The following TMCO1 variants were observed in gnomAD, a reference collection of about 807,000 sequenced individuals.
TMCO1 encodes calcium load-activated calcium channel.
A neutral mutation model predicts 29.3 loss-of-function variants in TMCO1; 29 were observed. That is an observed-to-expected ratio of 0.99 (90% CI 0.74 to 1.35). The LOEUF is 1.35. Among genes scored for constraint, TMCO1 ranks in the 40% most tolerant of loss-of-function variants. The pLI is 0.00. For synonymous variants in TMCO1, 80 were observed against 77.1 expected (o/e 1.04, Z -0.20); for missense variants, 173 against 225.5 (o/e 0.77, Z 1.49).
At chr1:165,726,494 C>T (rs559021972), downstream of TMCO1, 11 of 511,060 alleles carry the variant, frequency 2.2e-5, no homozygotes, top group South Asian at 1.7e-4. Context: ...AGGCTTTACA[C>T]TGGTTGAATT....
At position 165,754,270 on chromosome 1, in the gene TMCO1, T is replaced by G; in HGVS notation, c.213A>C (p.Arg71Ser). 1.2e-6 allele frequency: 2 copies of G among 1,610,514 alleles called. No homozygotes were observed. Among genetic ancestry groups the G allele is most frequent in the Non-Finnish European group, 1.7e-6 (2 of 1,177,176 alleles). Residue 71 changes from arginine to serine, a missense_variant, in exon 4 of 7, where the codon AGA becomes AGC. Coordinates refer to ENST00000367881, the MANE Select transcript of TMCO1 (RefSeq NM_019026.6). The part of the protein sequence containing the change: ...AGRQQKKKIE[R>S]QEEKLKNNNR... The stretch of plus-strand genomic sequence containing the variant: ...TGTTATTCTTCAGTTTCTCTTCTTG[T>G]CTCTCTGCAAAGAATTAATGAGATG...
chr1:165,752,324 G>A (rs894452054), intron 4 of TMCO1, among the ~76,000 whole-genome samples, 155 bp from the exon 5 acceptor site: 8 of 146,350 alleles, frequency 5.5e-5, no homozygotes, highest in Non-Finnish European at 1.0e-4. Flanking sequence ...GCGCAATCTC[G>A]GCTCACTGCA....
In TMCO1 at chr1:165,752,170, C is replaced by G; in HGVS notation, c.256-1G>C. 1.2e-6 allele frequency: 2 copies of G among 1,612,016 alleles called. No homozygotes were observed. The highest frequency in any genetic ancestry group is 1.7e-6 in the Non-Finnish European group (2 of 1,178,714). Reference sequence around the variant, plus strand: ...TAGCAAACATGGATTTCATTCGAACCTGTAATGAGACGAACAAATTGTCAT... The same window carrying G: ...TAGCAAACATGGATTTCATTCGAACGTGTAATGAGACGAACAAATTGTCAT... On this transcript the variant is annotated splice_acceptor_variant, in intron 4 of 6. Coordinates refer to ENST00000367881, the MANE Select transcript of TMCO1 (RefSeq NM_019026.6). LOFTEE classifies it high-confidence loss of function.
At chr1:165,725,677 T>C (rs1650845603), downstream of TMCO1, 2 of 454,108 alleles carry the variant, frequency 4.4e-6, no homozygotes, top group African/African-American at 2.0e-5. Flanking sequence ...GCTGTGGACC[T>C]AGAGTGTCAT....
At position 165,733,550 on chromosome 1, in the gene TMCO1, C is replaced by T. The variant is rs185949570; in HGVS notation, c.469-5429G>A. Among the ~76,000 whole-genome samples the T allele has an allele frequency of 9.7e-3, 1,478 of 151,712 alleles. 9 individuals are homozygous for T. Among genetic ancestry groups the T allele is most frequent in the African/African-American group, 0.012 (492 of 41,340 alleles). Reference sequence around the variant, plus strand: ...CCGGGAGGCAGAGGTTGTAGGAGATCGTGCAGCTGCACTCCAACCTGGGTG... The same window carrying T: ...CCGGGAGGCAGAGGTTGTAGGAGATTGTGCAGCTGCACTCCAACCTGGGTG... On this transcript the variant is annotated intron_variant, in intron 6 of 6. Coordinates refer to ENST00000367881, the MANE Select transcript of TMCO1 (RefSeq NM_019026.6).
chr1:165,750,110 T>C (rs1426387412), intron 5 of TMCO1, among the ~76,000 whole-genome samples: 2 of 32,166 alleles, frequency 6.2e-5, no homozygotes, highest in Admixed American at 3.0e-4. Flanking sequence ...TATAAATTAA[T>C]AAAATCTAAG....
chr1:165,733,373 C>T (rs1011292187), intron 6 of TMCO1, among the ~76,000 whole-genome samples: 3 of 152,080 alleles, frequency 2.0e-5, no homozygotes, highest in Admixed American at 6.6e-5. Context: ...GTGGCTCACA[C>T]CTGTAATCCC....
At chr1:165,728,525 G>A (rs937283125) in intron 6 of TMCO1, among the ~76,000 whole-genome samples, 3 of 151,892 alleles carry the variant, frequency 2.0e-5, no homozygotes, top group Non-Finnish European at 4.4e-5. Flanking sequence ...CAAAGTGCTG[G>A]GATTACAGGA....
At chr1:165,760,460 T>C (rs1204150756) in intron 2 of TMCO1, among the ~76,000 whole-genome samples, 1 of 151,466 alleles carries the variant, frequency 6.6e-6, no homozygotes, top group African/African-American at 2.4e-5. Flanking sequence ...TACCAATTTT[T>C]CTGATGCATT....
intron 6 of TMCO1, among the ~76,000 whole-genome samples, chr1:165,739,909 G>A (rs1018001872): frequency 6.6e-6 from 1 of 151,828 alleles, no homozygotes; most frequent in Non-Finnish European, 1.5e-5. Flanking sequence ...TCAGGAATTC[G>A]AGACCAGCCT....
chr1:165,752,203 T>C (rs1187231697), intron 4 of TMCO1, 34 bp from the exon 5 acceptor site: 2 of 1,418,858 alleles, frequency 1.4e-6, no homozygotes, highest in Non-Finnish European at 2.0e-6. Flanking sequence ...CATTTTACAC[T>C]AAAAAAAAAC....
At position 165,728,064 on chromosome 1, in the gene TMCO1, C is replaced by T. The variant is rs771396376; in HGVS notation, c.526G>A (p.Gly176Arg). The T allele has an allele frequency of 1.9e-6, 3 of 1,609,002 alleles. No individual in the cohort carries two copies. Among genetic ancestry groups the T allele is most frequent in the African/African-American group, 1.3e-5 (1 of 74,754 alleles). ...PSRAATKQAG[G>R]FLGPPPPSGK... is the part of the protein sequence containing the mutation. Reference sequence around the variant, plus strand: ...GAAGGAGGTGGTGGGCCAAGAAATCCACCTGCCTGCTTGGTGGCGGCTCGT... The same window carrying T: ...GAAGGAGGTGGTGGGCCAAGAAATCTACCTGCCTGCTTGGTGGCGGCTCGT... Residue 176 changes from glycine (G) to arginine (R), a missense_variant, in exon 7 of 7, where the codon GGA becomes AGA. Transcript: ENST00000367881.
chr1:165,754,825 C>T (rs1249465305), intron 3 of TMCO1: 2 of 153,692 alleles, frequency 1.3e-5, no homozygotes, highest in Non-Finnish European at 2.9e-5. Context: ...AAGACCCTGT[C>T]TCTGCAAAAA....
intron 6 of TMCO1, among the ~76,000 whole-genome samples, chr1:165,739,296 G>A (rs1651499785): frequency 6.6e-6 from 1 of 152,062 alleles, no homozygotes; most frequent in Non-Finnish European, 1.5e-5. Context: ...CTGAAAATGA[G>A]CTTTGCATTC....
intron 6 of TMCO1, 121 bp downstream of exon 6, chr1:165,743,046 A>G: frequency 8.1e-7 from 1 of 1,229,408 alleles, no homozygotes; most frequent in South Asian, 1.3e-5. Flanking sequence ...AAATTCTAAA[A>G]TGAGCAACTG....
intron 4 of TMCO1, among the ~76,000 whole-genome samples, chr1:165,753,491 A>G (rs1248354093): frequency 6.6e-6 from 1 of 150,948 alleles, no homozygotes; most frequent in Non-Finnish European, 1.5e-5. Flanking sequence ...AAAAAAAAAA[A>G]AAAAAAGACT....
chr1:165,764,015 T>C (rs1162534324), intron 2 of TMCO1, among the ~76,000 whole-genome samples: 1 of 152,230 alleles, frequency 6.6e-6, no homozygotes, highest in Non-Finnish European at 1.5e-5. Context: ...AAGGCAATAT[T>C]GTAGATACCA....
chr1:165,732,503 CTCTA>C lies in TMCO1; in HGVS notation c.469-4386_469-4383del, dbSNP rs1378217303. On this transcript the variant is annotated intron_variant, in intron 6 of 6. Coordinates refer to ENST00000367881, the MANE Select transcript of TMCO1 (RefSeq NM_019026.6). ...TCTCTCTCTCTCTCTCTCTCTCTCT[CTCTA>C]TATATATATATATAAACATACACAT... Among the ~76,000 whole-genome samples, 399 of 128,608 alleles carry C rather than the reference CTCTA, an allele frequency of 3.1e-3. 2 individuals are homozygous for C. Among genetic ancestry groups the C allele is most frequent in the South Asian group, 0.022 (83 of 3,778 alleles). The allele number at this position is 128,608 out of a possible 152,430, so 84.4% of individuals were successfully genotyped here. A position where few individuals can be genotyped will look rare whatever the true frequency, so the allele number is the denominator to read the frequency against.
At chr1:165,753,391 C>T (rs1293683211) in intron 4 of TMCO1, among the ~76,000 whole-genome samples, 1 of 138,266 alleles carries the variant, frequency 7.2e-6, no homozygotes. Flanking sequence ...GAGGAGCGCA[C>T]AAGCCCAGGT....
Sources: allele counts gnomAD v4.1 joint callset (sites outside exome capture counted in the v4.1 genomes callset), GRCh38; gene constraint gnomAD v4.1.1; transcripts MANE v1.5; gene names NCBI Gene and HGNC (gene_info 2026-07-23, HGNC 2026-07-21).